UNC13C: variants seen among roughly 807,000 people sequenced by gnomAD.
UNC13C encodes protein unc-13 homolog C.
UNC13C carries 174 observed loss-of-function variants against 245.4 expected under a neutral mutation model. The observed-to-expected ratio is 0.71, with a 90% confidence interval of 0.63 to 0.80. UNC13C has a LOEUF of 0.80. Among genes scored for constraint, UNC13C ranks in the 30% least tolerant of loss-of-function variants. The probability of loss-of-function intolerance (pLI) is 0.00; values close to 1 mark genes in which losing one functional copy is unlikely to be tolerated. For missense variants in UNC13C, 2,829 were observed against 2,602.9 expected (o/e 1.09, Z -1.89); for synonymous variants, 992 against 895.1 (o/e 1.11, Z -1.93).
intron 22 of UNC13C, 94 bp from the exon 23 acceptor site, chr15:54,507,023 A>G (rs1249054789): frequency 1.1e-5 from 8 of 748,670 alleles, no homozygotes; most frequent in Non-Finnish European, 1.4e-5. Flanking sequence ...TAAGATGAAA[A>G]AGACAGCAAG....
intron 4 of UNC13C, among the ~76,000 whole-genome samples, chr15:54,228,550 G>A (rs2035460093): frequency 6.6e-6 from 1 of 152,166 alleles, no homozygotes; most frequent in South Asian, 2.1e-4. Flanking sequence ...CAGGGACCTA[G>A]GGTATTTTAG....
chr15:54,329,351 T>G (rs374507375), intron 14 of UNC13C, among the ~76,000 whole-genome samples: 23 of 152,114 alleles, frequency 1.5e-4, no homozygotes, highest in African/African-American at 5.1e-4. Context: ...ATAGTTGCCC[T>G]ATTGTGCTAC....
At chr15:54,628,816 G>A (rs917056308), downstream of UNC13C, 2 of 148,246 alleles carry the variant, frequency 1.3e-5, no homozygotes, top group African/African-American at 5.1e-5. Flanking sequence ...ATGTTTGTTT[G>A]TTTATACACT....
chr15:54,331,948 C>T (rs2038447550), intron 14 of UNC13C, 95 bp from the exon 15 acceptor site: 3 of 748,240 alleles, frequency 4.0e-6, no homozygotes, highest in Admixed American at 6.9e-5. Flanking sequence ...TTGATCCTTC[C>T]TTTCTATAAA....
chr15:54,545,327 C>T (rs1896436570), intron 26 of UNC13C, among the ~76,000 whole-genome samples: 2 of 152,168 alleles, frequency 1.3e-5, no homozygotes, highest in African/African-American at 4.8e-5. Flanking sequence ...AAACCTAAGA[C>T]CTAAAACCAT....
chr15:54,192,755 T>C (rs1388836561), intron 4 of UNC13C, among the ~76,000 whole-genome samples: 1 of 152,154 alleles, frequency 6.6e-6, no homozygotes, highest in Non-Finnish European at 1.5e-5. Context: ...CTACTCGGCT[T>C]CCCACTGGGC....
Position 54,235,085 on chromosome 15 carries a change from A to G in UNC13C, c.3127A>G (p.Thr1043Ala), listed in dbSNP as rs760924641. The G allele has an allele frequency of 2.5e-6, 4 of 1,613,920 alleles. No homozygotes were observed. Among genetic ancestry groups the G allele is most frequent in the Non-Finnish European group, 2.5e-6 (3 of 1,179,848 alleles). ...DSMPDLRRKK[T>A]LPIVRDVAMT... ...CATGCCGGATCTTCGCAGAAAAAAAACTTTGCCTATTGTCCGAGATGTGGT... is the reference window on the plus strand; with the variant it reads ...CATGCCGGATCTTCGCAGAAAAAAAGCTTTGCCTATTGTCCGAGATGTGGT... The change falls in exon 5 of 33, where the codon ACT (threonine) becomes GCT (alanine). Residue 1043 changes from threonine to alanine, a missense_variant. Physicochemically the swap from Thr to Ala is moderately conservative, Grantham distance 58. Coordinates refer to ENST00000260323, the MANE Select transcript of UNC13C (RefSeq NM_001080534.3).
Position 54,122,018 on chromosome 15 carries a change from G to A in UNC13C, c.2984-21000G>A, listed in dbSNP as rs561158762. 1.7e-3 allele frequency among the ~76,000 whole-genome samples: 258 copies of A among 152,040 alleles called. 2 individuals carry two copies. The highest frequency in any genetic ancestry group is 3.1e-3 in the Non-Finnish European group (212 of 67,902). On this transcript the variant is annotated intron_variant, in intron 2 of 32. Transcript: ENST00000260323. ...AGTGAACTTAACAAGTATTCTTATT[G>A]ATTTTAATAGGCTGTCTATAGGTTG...
In UNC13C at chr15:54,393,088, C is replaced by T. The variant is rs755734029; in HGVS notation, c.4754C>T (p.Thr1585Ile). 2 of 1,610,060 alleles carry T rather than the reference C, an allele frequency of 1.2e-6. No individual in the cohort carries two copies. Among genetic ancestry groups the T allele is most frequent in the Non-Finnish European group, 1.7e-6 (2 of 1,178,146 alleles). ...ATTCCTCGTGAAGATCAGGGACCAA[C>T]CACCAAGAATTTGGATTTTTGGCCC... ...QDIPREDQGP[T>I]TKNLDFWPQL... The change falls in exon 18 of 33, where the codon ACC (threonine) becomes ATC (isoleucine). Residue 1585 changes from threonine (T) to isoleucine (I), a missense_variant. By Grantham distance (89) the Thr-to-Ile change is moderately conservative. Coordinates refer to ENST00000260323, the MANE Select transcript of UNC13C (RefSeq NM_001080534.3).
intron 19 of UNC13C, among the ~76,000 whole-genome samples, chr15:54,428,649 A>AC (rs962605617): frequency 2.0e-4 from 31 of 151,602 alleles, no homozygotes; most frequent in African/African-American, 7.0e-4. Flanking sequence ...TCTAGAGAAG[A>AC]ATCTGTCATG....
chr15:54,500,872 C>T lies in UNC13C; in HGVS notation c.5195C>T (p.Ser1732Phe). ...TCTGAGCATGCTCTCTTTTCTTGCT[C>T]CGTGGTTGATGTCTTTGCTCAGCTG... Reference protein sequence around the residue: ...QTSEHALFSCSVVDVFAQLNQ... With the variant: ...QTSEHALFSCFVVDVFAQLNQ... Residue 1732 changes from serine to phenylalanine, a missense_variant, in exon 22 of 33, where the codon TCC (serine) becomes TTC (phenylalanine). Transcript: ENST00000260323. 1.2e-6 allele frequency: 2 copies of T among 1,612,976 alleles called. No homozygotes were observed. The highest frequency in any genetic ancestry group is 1.7e-6 in the Non-Finnish European group (2 of 1,179,280).
At chr15:54,121,789 GTTTA>G (rs1385411710) in intron 2 of UNC13C, among the ~76,000 whole-genome samples, 1 of 151,676 alleles carries the variant, frequency 6.6e-6, no homozygotes, top group Non-Finnish European at 1.5e-5. Context: ...AATTTTGTCA[GTTTA>G]TTCATGTATT....
At chr15:54,269,047 A>G (rs1367672686) in intron 10 of UNC13C, among the ~76,000 whole-genome samples, 1 of 143,104 alleles carries the variant, frequency 7.0e-6, no homozygotes, top group East Asian at 1.9e-4. Context: ...TTTTTTTTTA[A>G]TTTTTTATTT....
chr15:54,128,733 T>C (rs574199987), intron 2 of UNC13C, among the ~76,000 whole-genome samples: 2 of 152,292 alleles, frequency 1.3e-5, no homozygotes, highest in Non-Finnish European at 2.9e-5. Context: ...GACACCCAAG[T>C]GGAAAGGGCT....
intron 1 of UNC13C, among the ~76,000 whole-genome samples, chr15:53,996,259 A>C (rs1473333674): frequency 6.6e-6 from 1 of 152,200 alleles, no homozygotes; most frequent in Non-Finnish European, 1.5e-5. Context: ...ATTGTGTGAC[A>C]GTGAAGCTTT....
chr15:54,022,488 A>G (rs1895943985), intron 2 of UNC13C, among the ~76,000 whole-genome samples: 1 of 152,056 alleles, frequency 6.6e-6, no homozygotes, highest in Admixed American at 6.6e-5. Flanking sequence ...TGTGGTTTTA[A>G]TTTGCATTTC....
Position 54,433,710 on chromosome 15 carries a change from C to T in UNC13C, c.4933+18643C>T, listed in dbSNP as rs112723145. ...GCCCTCTCTCACCGCTTTTATTCAA[C>T]GTAGTATTGGAAGTTCTGGCCAGGG... On this transcript the variant is annotated intron_variant, in intron 19 of 32. Coordinates refer to ENST00000260323, the MANE Select transcript of UNC13C (RefSeq NM_001080534.3). Among the ~76,000 whole-genome samples, 753 of 152,074 alleles carry T rather than the reference C, an allele frequency of 5.0e-3. 6 individuals carry two copies. Among genetic ancestry groups the T allele is most frequent in the African/African-American group, 0.017 (705 of 41,510 alleles).
intron 18 of UNC13C, among the ~76,000 whole-genome samples, chr15:54,412,229 C>G (rs949642426): frequency 6.6e-6 from 1 of 151,756 alleles, no homozygotes; most frequent in African/African-American, 2.4e-5. Context: ...AAAAAGTGCC[C>G]GAGACTGAGT....
intron 30 of UNC13C, among the ~76,000 whole-genome samples, chr15:54,568,580 A>G (rs1227243322): frequency 1.3e-5 from 2 of 152,262 alleles, no homozygotes; most frequent in South Asian, 2.1e-4. Context: ...GTGATTTATT[A>G]TATTTTGGTG....
Sources: gnomAD v4.1 joint callset for allele counts (sites outside exome capture counted in the v4.1 genomes callset) on GRCh38, gnomAD v4.1.1 for gene constraint, MANE v1.5 for transcripts, NCBI Gene and HGNC (gene_info 2026-07-23, HGNC 2026-07-21) for gene names.